LILRB1: variants seen among roughly 807,000 people sequenced by gnomAD.
The protein encoded by LILRB1 is leukocyte immunoglobulin-like receptor subfamily B member 1.
Under a neutral mutation model 74.6 loss-of-function variants are expected in LILRB1, and 59 were observed. That is an observed-to-expected ratio of 0.79 (90% CI 0.64 to 0.98). The LOEUF is 0.98. Ranked by LOEUF, LILRB1 falls within the 50% of genes least tolerant of loss-of-function variation. LILRB1 has a pLI of 0.00. For synonymous variants in LILRB1, 328 were observed against 333.9 expected (o/e 0.98, Z 0.19); for missense variants, 804 against 822.6 (o/e 0.98, Z 0.28).
upstream of LILRB1, among the ~76,000 whole-genome samples, chr19:54,627,385 G>T (rs1234447398): frequency 1.3e-5 from 2 of 152,162 alleles, no homozygotes; most frequent in Non-Finnish European, 2.9e-5. Context: ...AGGATGAGAT[G>T]ACTTTGGTCA....
chr19:54,629,884 T>A (rs1282832854), upstream of LILRB1, among the ~76,000 whole-genome samples: 12 of 152,332 alleles, frequency 7.9e-5, no homozygotes, highest in East Asian at 1.9e-3. Context: ...TCTGGGTATT[T>A]CAGAAATGCC....
Position 54,633,127 on chromosome 19 carries a change from T to G in LILRB1, c.1070T>G (p.Leu357Arg). Residue 357 changes from leucine to arginine, a missense_variant, in exon 7 of 15, where the codon CTG (leucine) becomes CGG (arginine). Coordinates refer to ENST00000324602, the MANE Select transcript of LILRB1 (RefSeq NM_001081637.3). Reference sequence around the variant, plus strand: ...CAGGGATGGATGCAAACTTTCCTTCTGACCAAGGAGGGGGCAGCTGATGAC... The same window carrying G: ...CAGGGATGGATGCAAACTTTCCTTCGGACCAAGGAGGGGGCAGCTGATGAC... Reference protein sequence around the residue: ...QSQGWMQTFLLTKEGAADDPW... With the variant: ...QSQGWMQTFLRTKEGAADDPW... The G allele has an allele frequency of 2.5e-6, 4 of 1,614,274 alleles. No homozygotes were observed. Among genetic ancestry groups the G allele is most frequent in the Non-Finnish European group, 3.4e-6 (4 of 1,180,042 alleles).
At chr19:54,629,960 C>T (rs2063715443), upstream of LILRB1, among the ~76,000 whole-genome samples, 1 of 152,188 alleles carries the variant, frequency 6.6e-6, no homozygotes, top group Admixed American at 6.5e-5. Context: ...AGAGTGGACA[C>T]ATCAATCACC....
chr19:54,633,438 C>T, intron 7 of LILRB1, 120 bp downstream of exon 7: 2 of 1,390,534 alleles, frequency 1.4e-6, no homozygotes, highest in East Asian at 2.3e-5. Context: ...CAGTGGGAGA[C>T]TCACCCTCAG....
At chr19:54,625,963 T>A (rs12972961), upstream of LILRB1, among the ~76,000 whole-genome samples, 5,076 of 151,744 alleles carry the variant, frequency 0.033, 126 homozygotes, top group Middle Eastern at 0.099. Context: ...AATCTCTCAC[T>A]CACTCACCCC....
chr19:54,625,165 A>G (rs1170764662), intron 1 of LILRB1, among the ~76,000 whole-genome samples: 1 of 140,738 alleles, frequency 7.1e-6, no homozygotes, highest in African/African-American at 2.5e-5. Flanking sequence ...GGACTTTCAG[A>G]GGGCACTGAG....
At chr19:54,619,348 G>C (rs1383534086) in intron 1 of LILRB1, among the ~76,000 whole-genome samples, 1 of 151,994 alleles carries the variant, frequency 6.6e-6, no homozygotes, top group Admixed American at 6.6e-5. Context: ...AAAAAAGAAA[G>C]GTAGTGTAAT....
Position 54,635,147 on chromosome 19 carries a change from G to T in LILRB1, c.1530G>T (p.Gly510=). Residue 510 remains glycine, a synonymous_variant, in exon 11 of 15, where the codon GGG becomes GGT. Coordinates refer to ENST00000324602, the MANE Select transcript of LILRB1 (RefSeq NM_001081637.3). ...ADFQHPAGAV[G]PEPTDRGLQW... ...TCCAACATCCTGCAGGGGCTGTGGGGCCAGAGCCCACAGACAGAGGCCTGC... is the reference window on the plus strand; with the variant it reads ...TCCAACATCCTGCAGGGGCTGTGGGTCCAGAGCCCACAGACAGAGGCCTGC... The T allele has an allele frequency of 6.3e-7, 1 of 1,593,364 alleles. No homozygotes were observed. Among genetic ancestry groups the T allele is most frequent in the Non-Finnish European group, 8.6e-7 (1 of 1,164,782 alleles).
chr19:54,618,797 C>T (rs746214378), intron 1 of LILRB1, among the ~76,000 whole-genome samples: 1 of 152,052 alleles, frequency 6.6e-6, no homozygotes, highest in Admixed American at 6.5e-5. Flanking sequence ...AGGTAAACAC[C>T]TGAAATTCAT....
chr19:54,623,694 C>T (rs900926344), intron 1 of LILRB1, among the ~76,000 whole-genome samples: 6 of 152,142 alleles, frequency 3.9e-5, no homozygotes. Context: ...TTTCAGCATC[C>T]ATCACTAGCA....
Position 54,635,581 on chromosome 19 carries a change from C to T in LILRB1, c.1625C>T (p.Pro542Leu). 6.2e-7 allele frequency: 1 copy of T among 1,613,952 alleles called. No homozygotes were observed. Among genetic ancestry groups the T allele is most frequent in the East Asian group, 2.2e-5 (1 of 44,880 alleles). Residue 542 changes from proline (P) to leucine (L), a missense_variant, in exon 13 of 15, where the codon CCT (proline) becomes CTT (leucine). By Grantham distance (98) the Pro-to-Leu change is moderately conservative. Transcript: ENST00000324602. ...GATGCTGCCGTGAAGCACACACAGC[C>T]TGAGGATGGGGTGGAGATGGACACT... ...NLYAAVKHTQ[P>L]EDGVEMDTRQ... is the part of the protein sequence containing the mutation.
At chr19:54,635,893 C>T (rs1003187253) in intron 13 of LILRB1, 2 of 643,658 alleles carry the variant, frequency 3.1e-6, no homozygotes, top group Non-Finnish European at 5.9e-6. Context: ...ATGAACCACC[C>T]CGGTCCCCCA....
At chr19:54,634,792 G>T in intron 10 of LILRB1, 29 bp downstream of exon 10, 1 of 1,610,958 alleles carries the variant, frequency 6.2e-7, no homozygotes, top group Non-Finnish European at 8.5e-7. Flanking sequence ...GACCCTGAGG[G>T]CTGACCGAGG....
chr19:54,634,292 C>T (rs1249463673), intron 9 of LILRB1: 1 of 1,537,568 alleles, frequency 6.5e-7, no homozygotes, highest in African/African-American at 1.4e-5. Context: ...CCACCTGCAG[C>T]AGAGACGGTG....
rs1435180832 is a variant in LILRB1 at position 54,633,633 on chromosome 19, C to A, written c.1262-5C>A. On this transcript the variant is annotated splice_polypyrimidine_tract_variant and splice_region_variant and intron_variant, in intron 7 of 14. Transcript: ENST00000324602. ...TCCTCAGCCTCCTCTCATTCTTTTA[C>A]CCAGGACCGTCTGGGGGCCCCAGCT... 2.5e-6 allele frequency: 4 copies of A among 1,613,028 alleles called. No individual in the cohort carries two copies. The highest frequency in any genetic ancestry group is 3.4e-6 in the Non-Finnish European group (4 of 1,179,590).
At position 54,631,557 on chromosome 19, in the gene LILRB1, G is replaced by C. The variant is rs2063846878; in HGVS notation, c.128G>C (p.Ser43Thr). The C allele has an allele frequency of 1.2e-6, 2 of 1,614,222 alleles. No homozygotes were observed. Among genetic ancestry groups the C allele is most frequent in the Non-Finnish European group, 1.7e-6 (2 of 1,180,016 alleles). ...AEPGSVITQG[S>T]PVTLRCQGGQ... The stretch of plus-strand genomic sequence containing the variant: ...CCAGGCTCTGTGATCACCCAGGGGA[G>C]TCCTGTGACCCTCAGGTGTCAGGGG... Residue 43 changes from serine (S) to threonine (T), a missense_variant, in exon 4 of 15, where the codon AGT becomes ACT. By Grantham distance (58) the Ser-to-Thr change is moderately conservative. Coordinates refer to ENST00000324602, the MANE Select transcript of LILRB1 (RefSeq NM_001081637.3).
In LILRB1 at chr19:54,636,579, C is replaced by T. The variant is rs1441753989; in HGVS notation, c.1739C>T (p.Pro580Leu). Residue 580 changes from proline (P) to leucine (L), a missense_variant, in exon 14 of 15, where the codon CCT becomes CTT. Transcript: ENST00000324602. ...CCTAGGAGAGAAATGGCCTCTCCTC[C>T]TTCCCCACTGTCTGGGGAATTCCTG... ...SRPRREMASP[P>L]SPLSGEFLDT... 3 of 1,610,740 alleles carry T rather than the reference C, an allele frequency of 1.9e-6. 1 individual carries two copies. The highest frequency in any genetic ancestry group is 2.2e-5 in the South Asian group (2 of 90,938).
chr19:54,630,825 G>A (rs1291731869), intron 1 of LILRB1, 192 bp downstream of exon 1: 17 of 783,794 alleles, frequency 2.2e-5, no homozygotes, highest in Non-Finnish European at 3.4e-5. Flanking sequence ...ACGGTGGCTG[G>A]GGGTCAGGAA....
intron 1 of LILRB1, among the ~76,000 whole-genome samples, chr19:54,621,063 A>G (rs2063443480): frequency 1.3e-5 from 2 of 151,684 alleles, no homozygotes; most frequent in South Asian, 4.2e-4. Context: ...TAGTAGAGAC[A>G]GGGTTTCACC....
Sources: allele counts gnomAD v4.1 joint callset (sites outside exome capture counted in the v4.1 genomes callset), GRCh38; gene constraint gnomAD v4.1.1; transcripts MANE v1.5; gene names NCBI Gene and HGNC (gene_info 2026-07-23, HGNC 2026-07-21).